Variants in ANK3 observed in about 807,000 individuals in gnomAD.
ANK3 encodes ankyrin-3.
ANK3 carries 57 observed loss-of-function variants against 370.9 expected under a neutral mutation model. The observed-to-expected ratio is 0.15, with a 90% CI of 0.12 to 0.19. ANK3 has a LOEUF of 0.19. Among genes scored for constraint, ANK3 ranks in the 10% least tolerant of loss-of-function variants. The probability of loss-of-function intolerance (pLI) is 1.00; values close to 1 mark genes in which losing one functional copy is unlikely to be tolerated. For missense variants in ANK3, 4,439 were observed against 5,302.1 expected (o/e 0.84, Z 5.06); for synonymous variants, 1,929 against 1,946.3 (o/e 0.99, Z 0.23).
chr10:60,304,848 G>A (rs910956074), intron 1 of ANK3, among the ~76,000 whole-genome samples: 1 of 152,080 alleles, frequency 6.6e-6, no homozygotes, highest in Non-Finnish European at 1.5e-5. Context: ...ATTCATTTAT[G>A]TATACAATCA....
At chr10:60,550,067 C>T (rs943395345) in intron 2 of ANK3, among the ~76,000 whole-genome samples, 1 of 151,962 alleles carries the variant, frequency 6.6e-6, no homozygotes, top group Non-Finnish European at 1.5e-5. Context: ...AAAGAACAGA[C>T]CTGTTCAGTA....
chr10:60,158,876 A>G (rs1026773558), intron 23 of ANK3, among the ~76,000 whole-genome samples: 6 of 151,950 alleles, frequency 3.9e-5, no homozygotes, highest in African/African-American at 1.5e-4. Context: ...GGGTTTCACC[A>G]TGTTGCCCAG....
intron 21 of ANK3, among the ~76,000 whole-genome samples, chr10:60,171,522 A>G (rs540694290): frequency 6.6e-6 from 1 of 152,318 alleles, no homozygotes; most frequent in East Asian, 1.9e-4. Flanking sequence ...CCAGAGTCCT[A>G]TATTTACTTT....
At chr10:60,659,947 C>T (rs61048630) in intron 1 of ANK3, among the ~76,000 whole-genome samples, 6,528 of 152,168 alleles carry the variant, frequency 0.043, 174 homozygotes, top group Middle Eastern at 0.075. Context: ...TTCTACTCTA[C>T]TAATATGATC....
At chr10:60,398,342 T>C (rs2063285706) in intron 2 of ANK3, among the ~76,000 whole-genome samples, 1 of 152,174 alleles carries the variant, frequency 6.6e-6, no homozygotes, top group African/African-American at 2.4e-5. Context: ...AGGTAGCACA[T>C]TGTTAATAAC....
At chr10:60,292,519 G>A (rs2041640444) in intron 1 of ANK3, among the ~76,000 whole-genome samples, 1 of 151,966 alleles carries the variant, frequency 6.6e-6, no homozygotes, top group Admixed American at 6.6e-5. Flanking sequence ...TTATTTCAGG[G>A]AATTATTTTC....
intron 2 of ANK3, among the ~76,000 whole-genome samples, chr10:60,464,865 T>C (rs2064973266): frequency 6.6e-6 from 1 of 152,224 alleles, no homozygotes. Context: ...CTTAGCCTGC[T>C]GCATTCATTA....
chr10:60,293,992 C>A (rs750064814), intron 1 of ANK3, among the ~76,000 whole-genome samples: 1 of 152,138 alleles, frequency 6.6e-6, no homozygotes, highest in Non-Finnish European at 1.5e-5. Flanking sequence ...GGCCTTCATG[C>A]TTAAGGATCC....
chr10:60,109,077 C>T, intron 26 of ANK3, 23 bp from the exon 27 acceptor site: 2 of 1,585,814 alleles, frequency 1.3e-6, no homozygotes, highest in Non-Finnish European at 1.7e-6. Flanking sequence ...GATCAGAGGC[C>T]AATTCAAGGA....
At chr10:60,107,174 T>C (rs1376338800) in intron 27 of ANK3, among the ~76,000 whole-genome samples, 2 of 152,134 alleles carry the variant, frequency 1.3e-5, no homozygotes, top group Admixed American at 6.5e-5. Context: ...AAATTAAAGA[T>C]TAAAAAATAA....
chr10:60,200,439 C>T (rs1014029983), intron 12 of ANK3, among the ~76,000 whole-genome samples: 4 of 152,222 alleles, frequency 2.6e-5, no homozygotes, highest in African/African-American at 9.6e-5. Context: ...GGAGTCTTGT[C>T]ACCCACTGTG....
At chr10:60,613,882 T>G (rs2078233495) in intron 2 of ANK3, among the ~76,000 whole-genome samples, 1 of 152,224 alleles carries the variant, frequency 6.6e-6, no homozygotes, top group East Asian at 1.9e-4. Flanking sequence ...GAGACCAGCC[T>G]GGCCAACCTG....
At chr10:60,550,790 C>T (rs561605975) in intron 2 of ANK3, among the ~76,000 whole-genome samples, 2 of 152,094 alleles carry the variant, frequency 1.3e-5, no homozygotes, top group Admixed American at 6.5e-5. Flanking sequence ...TTTTACTTTG[C>T]GAGTTTTTCA....
At position 60,076,208 on chromosome 10, in the gene ANK3, G is replaced by A; in HGVS notation, c.4673C>T (p.Thr1558Ile). ...PIKSTLGAST[T>I]SSVKSISDVA... is the part of the protein sequence containing the mutation. Reference sequence around the variant, plus strand: ...GTCACTAATGGATTTAACTGAAGATGTAGTTGACGCGCCTAATGTGGATTT... The same window carrying A: ...GTCACTAATGGATTTAACTGAAGATATAGTTGACGCGCCTAATGTGGATTT... Residue 1558 changes from threonine (T) to isoleucine (I), a missense_variant, in exon 37 of 44, where the codon ACA becomes ATA. Thr to Ile is a moderately conservative substitution (Grantham distance 89). Coordinates refer to ENST00000280772, the MANE Select transcript of ANK3 (RefSeq NM_020987.5). 3 of 1,614,160 alleles carry A rather than the reference G, an allele frequency of 1.9e-6. No homozygotes were observed. The South Asian group carries it at 3.3e-5, about 18-fold the overall frequency.
chr10:60,609,148 A>C (rs2078168572), intron 2 of ANK3, among the ~76,000 whole-genome samples: 2 of 152,194 alleles, frequency 1.3e-5, no homozygotes, highest in African/African-American at 4.8e-5. Flanking sequence ...AGAACAGTAC[A>C]TTCTCAGTTA....
chr10:60,064,316 A>C, intron 38 of ANK3, 28 bp from the exon 39 acceptor site: 1 of 1,550,468 alleles, frequency 6.4e-7, no homozygotes, highest in Non-Finnish European at 8.6e-7. Flanking sequence ...AGTTACTAAG[A>C]TTGCATATTC....
Position 60,029,737 on chromosome 10 carries a change from C to T in ANK3, c.*109G>A, listed in dbSNP as rs181062313. On this transcript the variant is annotated 3_prime_UTR_variant, in exon 44 of 44. Coordinates refer to ENST00000280772, the MANE Select transcript of ANK3 (RefSeq NM_020987.5). Reference sequence around the variant, plus strand: ...TCATGCCATTAATGTGTGGAAGCAGCGAACACACACACACTTCTCGGTGAA... The same window carrying T: ...TCATGCCATTAATGTGTGGAAGCAGTGAACACACACACACTTCTCGGTGAA... The T allele has an allele frequency of 1.3e-5, 2 of 151,722 alleles. No individual in the cohort carries two copies. Among genetic ancestry groups the T allele is most frequent in the Admixed American group, 6.6e-5 (1 of 15,188 alleles). 9.4% of individuals were successfully genotyped at this position (151,722 alleles called of 1,614,324 possible).
chr10:60,303,876 A>ATGTG (rs71015783), intron 1 of ANK3, among the ~76,000 whole-genome samples: 3,031 of 147,520 alleles, frequency 0.021, 77 homozygotes, highest in African/African-American at 0.063. Context: ...TGGTGTATAT[A>ATGTG]TGTGTGTGTG....
At chr10:60,108,720 A>G in intron 27 of ANK3, 110 bp downstream of exon 27, 1 of 860,286 alleles carries the variant, frequency 1.2e-6, no homozygotes, top group Non-Finnish European at 1.8e-6. Context: ...AAGTATACTC[A>G]ATCAGGTACA....
Sources: gnomAD v4.1 joint callset for allele counts (sites outside exome capture counted in the v4.1 genomes callset) on GRCh38, gnomAD v4.1.1 for gene constraint, MANE v1.5 for transcripts, NCBI Gene and HGNC (gene_info 2026-07-23, HGNC 2026-07-21) for gene names.